KCNH7: variants seen among roughly 807,000 people sequenced by gnomAD.
KCNH7 encodes the protein potassium voltage-gated channel subfamily H member 7.
A neutral mutation model predicts 120.8 loss-of-function variants in KCNH7; 49 were observed. The ratio of observed to expected loss-of-function variants is 0.41; its 90% CI spans 0.32 to 0.51. The LOEUF is 0.51. Ranked by LOEUF, KCNH7 falls within the 20% of genes least tolerant of loss-of-function variation. KCNH7 has a pLI of 0.38. For missense variants in KCNH7, 1,097 were observed against 1,446.6 expected (o/e 0.76, Z 3.92); for synonymous variants, 547 against 516.1 (o/e 1.06, Z -0.81).
At chr2:162,741,369 AT>A (rs926239633) in intron 2 of KCNH7, among the ~76,000 whole-genome samples, 1 of 150,966 alleles carries the variant, frequency 6.6e-6, no homozygotes, top group Non-Finnish European at 1.5e-5. Context: ...TGCTATTTTC[AT>A]GTTAAATTAA....
At chr2:162,499,078 A>C (rs1163757160) in intron 6 of KCNH7, among the ~76,000 whole-genome samples, 1 of 152,098 alleles carries the variant, frequency 6.6e-6, no homozygotes, top group Non-Finnish European at 1.5e-5. Context: ...TCGGATACTC[A>C]TACTTATCCA....
intron 3 of KCNH7, among the ~76,000 whole-genome samples, chr2:162,521,105 A>C (rs935978381): frequency 6.6e-6 from 1 of 151,726 alleles, no homozygotes; most frequent in Admixed American, 6.6e-5. Context: ...CATAGCTTTC[A>C]CCACAGTTAA....
At chr2:162,557,606 CAT>C (rs1692904224) in intron 2 of KCNH7, among the ~76,000 whole-genome samples, 1 of 152,126 alleles carries the variant, frequency 6.6e-6, no homozygotes, top group Non-Finnish European at 1.5e-5. Flanking sequence ...CTTTGCAAAA[CAT>C]ATTTGATGAA....
At chr2:162,771,775 T>C (rs1428653628) in intron 2 of KCNH7, among the ~76,000 whole-genome samples, 1 of 152,162 alleles carries the variant, frequency 6.6e-6, no homozygotes, top group Non-Finnish European at 1.5e-5. Flanking sequence ...ATCTTTAGAC[T>C]ATCTCCATTT....
intron 2 of KCNH7, among the ~76,000 whole-genome samples, chr2:162,610,939 T>G (rs962399242): frequency 6.6e-6 from 1 of 152,074 alleles, no homozygotes; most frequent in Non-Finnish European, 1.5e-5. Context: ...TGGAAAGATG[T>G]GTTAGGTTAA....
intron 6 of KCNH7, among the ~76,000 whole-genome samples, chr2:162,498,432 G>A (rs1690569700): frequency 7.5e-6 from 1 of 133,754 alleles, no homozygotes; most frequent in African/African-American, 2.8e-5. Context: ...ATCTATACTA[G>A]GTTTTATATT....
At chr2:162,626,989 G>A (rs1333490594) in intron 2 of KCNH7, among the ~76,000 whole-genome samples, 1 of 152,172 alleles carries the variant, frequency 6.6e-6, no homozygotes. Flanking sequence ...GTGGCAATTT[G>A]TAAGATCATG....
chr2:162,741,212 A>AGC (rs1688115599), intron 2 of KCNH7, among the ~76,000 whole-genome samples: 1 of 118,588 alleles, frequency 8.4e-6, no homozygotes, highest in South Asian at 2.4e-4. Context: ...ACATATTAAT[A>AGC]ACATGTTATT....
At chr2:162,402,409 G>A (rs2105448333) in intron 9 of KCNH7, among the ~76,000 whole-genome samples, 1 of 146,928 alleles carries the variant, frequency 6.8e-6, no homozygotes, top group Non-Finnish European at 1.5e-5. Context: ...CAGCATTTTA[G>A]AGTGTTGTGG....
intron 2 of KCNH7, among the ~76,000 whole-genome samples, chr2:162,745,532 A>C (rs1688285961): frequency 6.6e-6 from 1 of 152,176 alleles, no homozygotes; most frequent in African/African-American, 2.4e-5. Context: ...AATTTCAATA[A>C]CAATTTCCTT....
chr2:162,475,948 A>C (rs1223772044), intron 6 of KCNH7, among the ~76,000 whole-genome samples: 3 of 152,216 alleles, frequency 2.0e-5, no homozygotes, highest in African/African-American at 7.2e-5. Flanking sequence ...GTTTGTATGA[A>C]CACTGAAATT....
chr2:162,732,490 G>T (rs1687765785), intron 2 of KCNH7, among the ~76,000 whole-genome samples: 1 of 148,408 alleles, frequency 6.7e-6, no homozygotes, highest in Non-Finnish European at 1.5e-5. Flanking sequence ...ACTGGTTAAA[G>T]ATAGAGTGCT....
Position 162,557,027 on chromosome 2 carries a change from G to A in KCNH7, c.308-19947C>T, listed in dbSNP as rs529432926. On this transcript the variant is annotated intron_variant, in intron 2 of 15. Coordinates refer to ENST00000332142, the MANE Select transcript of KCNH7 (RefSeq NM_033272.4). ...GTAACAAACCACCTCAACACTTAGT[G>A]GCTCAAAGCAACAATTTGTGATTAT... Among the ~76,000 whole-genome samples the A allele has an allele frequency of 1.4e-3, 206 of 152,290 alleles. 1 individual carries two copies. The highest frequency in any genetic ancestry group is 4.7e-3 in the African/African-American group (195 of 41,562).
At chr2:162,480,813 G>A (rs73020629) in intron 6 of KCNH7, among the ~76,000 whole-genome samples, 12,390 of 152,096 alleles carry the variant, frequency 0.081, 1,607 homozygotes, top group African/African-American at 0.28. Flanking sequence ...GCTTATATAG[G>A]GCAAGAAGTT....
intron 6 of KCNH7, among the ~76,000 whole-genome samples, chr2:162,484,616 G>T (rs79549963): frequency 0.02 from 3,010 of 152,198 alleles, 215 homozygotes; most frequent in Admixed American, 0.15. Context: ...CTACAGTTTG[G>T]ATATTTGTCC....
At chr2:162,728,453 T>TAAAAAG (rs1687605760) in intron 2 of KCNH7, among the ~76,000 whole-genome samples, 1 of 152,200 alleles carries the variant, frequency 6.6e-6, no homozygotes, top group Non-Finnish European at 1.5e-5. Flanking sequence ...TTTTATTTTC[T>TAAAAAG]TGATAGTGTC....
At chr2:162,664,810 T>C (rs1299065839) in intron 2 of KCNH7, among the ~76,000 whole-genome samples, 1 of 152,134 alleles carries the variant, frequency 6.6e-6, no homozygotes, top group Non-Finnish European at 1.5e-5. Context: ...TATTTACCAG[T>C]CAAAGTGTTT....
chr2:162,601,995 G>A (rs373622989), intron 2 of KCNH7, among the ~76,000 whole-genome samples: 12 of 152,088 alleles, frequency 7.9e-5, no homozygotes, highest in African/African-American at 2.9e-4. Context: ...ACTGGGAGAG[G>A]AACTGGAAGT....
At chr2:162,388,040 T>A (rs753640615) in intron 12 of KCNH7, among the ~76,000 whole-genome samples, 13 of 151,926 alleles carry the variant, frequency 8.6e-5, no homozygotes, top group Admixed American at 2.0e-4. Flanking sequence ...CCCAGCCAGA[T>A]GCCTTGAAAA....
Sources: allele counts gnomAD v4.1 joint callset (sites outside exome capture counted in the v4.1 genomes callset), GRCh38; gene constraint gnomAD v4.1.1; transcripts MANE v1.5; gene names NCBI Gene and HGNC (gene_info 2026-07-23, HGNC 2026-07-21).